The following PIEZO2 variants were observed in gnomAD, a reference collection of about 807,000 sequenced individuals.
PIEZO2 encodes piezo-type mechanosensitive ion channel component 2.
A neutral mutation model predicts 337.3 loss-of-function variants in PIEZO2; 172 were observed. The observed-to-expected ratio is 0.51, with a 90% CI of 0.45 to 0.58. The LOEUF is 0.58. PIEZO2 is among the 20% of genes least tolerant of loss of function. The pLI is 0.00. For synonymous variants in PIEZO2, 1,251 were observed against 1,228.5 expected (o/e 1.02, Z -0.38); for missense variants, 3,028 against 3,391.3 (o/e 0.89, Z 2.66).
chr18:11,100,658 C>G (rs1355717283), intron 1 of PIEZO2, among the ~76,000 whole-genome samples: 1 of 152,080 alleles, frequency 6.6e-6, no homozygotes, highest in Non-Finnish European at 1.5e-5. Context: ...TGCAGTGGCA[C>G]AGTTTTGGCT....
At position 10,980,144 on chromosome 18, in the gene PIEZO2, A is replaced by AT. The variant is rs144278584; in HGVS notation, c.161-485dup. On this transcript the variant is annotated intron_variant, in intron 2 of 55. Coordinates refer to ENST00000674853, the MANE Select transcript of PIEZO2 (RefSeq NM_001378183.1). This position sits in a 1 kb window ranked among gnomAD's most constrained non-coding sequence, Gnocchi z 4.8. Reference sequence around the variant, plus strand: ...GTTACTCATAACATAGATATGAATTATTTTTTTTAAATGTGTTAACCAACT... The same window carrying AT: ...GTTACTCATAACATAGATATGAATTATTTTTTTTTAAATGTGTTAACCAACT... 0.033 allele frequency among the ~76,000 whole-genome samples: 5,049 copies of AT among 152,116 alleles called. 147 individuals carry two copies. Among genetic ancestry groups the AT allele is most frequent in the African/African-American group, 0.072 (2,978 of 41,494 alleles).
At position 10,888,101 on chromosome 18, in the gene PIEZO2, T is replaced by A. The variant is rs1244241643; in HGVS notation, c.330-16686A>T. On this transcript the variant is annotated intron_variant, in intron 4 of 55. Coordinates refer to ENST00000674853, the MANE Select transcript of PIEZO2 (RefSeq NM_001378183.1). The surrounding 1 kb of genome is among the most constrained non-coding windows in gnomAD (Gnocchi z 4.1). ...TGTATTAACTGTCATGATGGCTGCC[T>A]AATGGTGGTCATTGATGCCCCTAAA... 6.6e-6 allele frequency among the ~76,000 whole-genome samples: 1 copy of A among 152,212 alleles called. No individual in the cohort carries two copies. Among genetic ancestry groups the A allele is most frequent in the African/African-American group, 2.4e-5 (1 of 41,450 alleles).
At position 10,794,749 on chromosome 18, in the gene PIEZO2, T is replaced by C. The variant is rs779387094; in HGVS notation, c.1758+23A>G. 1.4e-5 allele frequency: 20 copies of C among 1,447,164 alleles called. No individual in the cohort carries two copies. The highest frequency in any genetic ancestry group is 2.9e-5 in the African/African-American group (2 of 69,974). 89.6% of individuals were successfully genotyped at this position (1,447,164 alleles called of 1,614,324 possible). A position where few individuals can be genotyped will look rare whatever the true frequency, so the allele number is the denominator to read the frequency against. ...TTGTGGTTTTGTGTCATTGTTTTGT[T>C]TTATTGTATTCTATTCACTTACTTT... On this transcript the variant is annotated intron_variant, in intron 13 of 55. Transcript: ENST00000674853. The surrounding 1 kb of genome is among the most constrained non-coding windows in gnomAD (Gnocchi z 6.6).
Position 10,671,668 on chromosome 18 carries a change from T to C in PIEZO2, c.8457A>G (p.Arg2819=). Residue 2819 remains arginine (R), a synonymous_variant, in exon 56 of 56, where the codon CGA becomes CGG. Transcript: ENST00000674853. ...AAATATCTGTGCACAACTTCAAAAT[T>C]CGATCCACATTTGGAAGCTCTTCAA... is the stretch of plus-strand genomic sequence containing the variant. ...IMFEELPNVD[R]ILKLCTDIFL... is the part of the protein sequence containing the mutation. 6.2e-6 allele frequency: 10 copies of C among 1,614,018 alleles called. No individual in the cohort carries two copies. The highest frequency in any genetic ancestry group is 8.5e-6 in the Non-Finnish European group (10 of 1,179,968).
intron 2 of PIEZO2, among the ~76,000 whole-genome samples, chr18:11,051,980 G>A (rs989190861): frequency 1.3e-5 from 2 of 152,232 alleles, no homozygotes; most frequent in Non-Finnish European, 2.9e-5. Context: ...AGGTCTCACT[G>A]AGGCAGTTTC....
intron 29 of PIEZO2, among the ~76,000 whole-genome samples, chr18:10,749,436 C>T (rs953691133): frequency 6.6e-6 from 1 of 152,042 alleles, no homozygotes; most frequent in African/African-American, 2.4e-5. Flanking sequence ...GTAGTTCAGC[C>T]TGGGTAACAG....
At position 10,704,442 on chromosome 18, in the gene PIEZO2, G is replaced by A. The variant is rs900118486; in HGVS notation, c.6210C>T (p.Val2070=). The change falls in exon 42 of 56, where the codon GTC becomes GTT. Residue 2070 remains valine, a synonymous_variant. Transcript: ENST00000674853. ...ILIFLWAMLS[V]PRPSRRFWMM... ...TCCAGAACCGGCGGCTGGGCCTGGG[G>A]ACGGACAACATGGCCCAGAGGAAGA... The A allele has an allele frequency of 9.8e-6, 15 of 1,537,100 alleles. No homozygotes were observed. Among genetic ancestry groups the A allele is most frequent in the Non-Finnish European group, 1.2e-5 (14 of 1,146,914 alleles).
chr18:10,759,229 T>TGTGTG lies in PIEZO2; in HGVS notation c.3757+252_3757+253insCACAC, dbSNP rs2038018235. 2.0e-3 allele frequency among the ~76,000 whole-genome samples: 284 copies of TGTGTG among 141,690 alleles called. 1 individual carries two copies. Among genetic ancestry groups the TGTGTG allele is most frequent in the African/African-American group, 6.5e-3 (257 of 39,354 alleles). The allele number at this position is 141,690 out of a possible 152,430, so 93.0% of individuals were successfully genotyped here. On this transcript the variant is annotated intron_variant, in intron 26 of 55. Coordinates refer to ENST00000674853, the MANE Select transcript of PIEZO2 (RefSeq NM_001378183.1). The surrounding 1 kb of genome is among the most constrained non-coding windows in gnomAD (Gnocchi z 5.5). ...TGTGTGTGTGTGTGTGTGTGTGTGT[T>TGTGTG]TGTGTGTGTGTGTTGGGGGAAGTGA...
chr18:10,813,006 C>T lies in PIEZO2; in HGVS notation c.918-5732G>A, dbSNP rs1280105221. Among the ~76,000 whole-genome samples, 1 of 148,254 alleles carries T rather than the reference C, an allele frequency of 6.7e-6. No individual in the cohort carries two copies. Among genetic ancestry groups the T allele is most frequent in the Non-Finnish European group, 1.5e-5 (1 of 67,548 alleles). ...AAACTTTTTTTTTTTTTTCTTGAGA[C>T]GGAGTCTCACTCTGTCACCCGGGCT... is the stretch of plus-strand genomic sequence containing the variant. On this transcript the variant is annotated intron_variant, in intron 7 of 55. Transcript: ENST00000674853. The surrounding 1 kb of genome is among the most constrained non-coding windows in gnomAD (Gnocchi z 4.2).
chr18:10,887,462 C>T (rs1007232812), intron 4 of PIEZO2, among the ~76,000 whole-genome samples: 2 of 152,048 alleles, frequency 1.3e-5, no homozygotes, highest in African/African-American at 2.4e-5. Context: ...GACCCAAACA[C>T]CTCCCACCAG....
At position 11,126,775 on chromosome 18, in the gene PIEZO2, C is replaced by A. The variant is rs551163759; in HGVS notation, c.64+21750G>T. On this transcript the variant is annotated intron_variant, in intron 1 of 55. Transcript: ENST00000674853. This position sits in a 1 kb window ranked among gnomAD's most constrained non-coding sequence, Gnocchi z 4.6. Reference sequence around the variant, plus strand: ...ATATGCCAGGTACTGTTACACAGTACCTTAAGTACATTACTATTTTTTTTT... The same window carrying A: ...ATATGCCAGGTACTGTTACACAGTAACTTAAGTACATTACTATTTTTTTTT... Among the ~76,000 whole-genome samples, 4 of 124,502 alleles carry A rather than the reference C, an allele frequency of 3.2e-5. No homozygotes were observed. The highest frequency in any genetic ancestry group is 1.3e-4 in the African/African-American group (4 of 31,210). The allele number at this position is 124,502 out of a possible 152,430, so 81.7% of individuals were successfully genotyped here.
At chr18:11,022,424 A>C (rs2036344434) in intron 2 of PIEZO2, among the ~76,000 whole-genome samples, 1 of 152,222 alleles carries the variant, frequency 6.6e-6, no homozygotes, top group African/African-American at 2.4e-5. Flanking sequence ...GCAGACTGGG[A>C]GGCTTCAGAA....
At chr18:11,091,404 A>C (rs1236635833) in intron 1 of PIEZO2, among the ~76,000 whole-genome samples, 2 of 151,970 alleles carry the variant, frequency 1.3e-5, no homozygotes, top group South Asian at 4.1e-4. Flanking sequence ...AAAAAAGAAA[A>C]AAAGAAAAAG....
Position 10,675,213 on chromosome 18 carries a change from T to C in PIEZO2, c.8157A>G (p.Leu2719=), listed in dbSNP as rs746606142. Residue 2719 remains leucine (L), a synonymous_variant, in exon 54 of 56, where the codon TTA becomes TTG. Coordinates refer to ENST00000674853, the MANE Select transcript of PIEZO2 (RefSeq NM_001378183.1). Reference sequence around the variant, plus strand: ...ACAAATTTTTCTCATTCTTACCAGATAAAAGTTGCTTTATAGGTTTTGAGT... The same window carrying C: ...ACAAATTTTTCTCATTCTTACCAGACAAAAGTTGCTTTATAGGTTTTGAGT... ...DSNSKPIKQL[L]SENNFMDITI... is the part of the protein sequence containing the mutation. 25 of 1,535,206 alleles carry C rather than the reference T, an allele frequency of 1.6e-5. No individual in the cohort carries two copies. Among genetic ancestry groups the C allele is most frequent in the South Asian group, 3.6e-5 (3 of 82,524 alleles).
At position 10,727,525 on chromosome 18, in the gene PIEZO2, T is replaced by A. The variant is rs533658303; in HGVS notation, c.5029+3882A>T. 2.0e-5 allele frequency: 3 copies of A among 152,456 alleles called. No individual in the cohort carries two copies. Among genetic ancestry groups the A allele is most frequent in the African/African-American group, 7.2e-5 (3 of 41,518 alleles). The allele number at this position is 152,456 out of a possible 1,614,324, so 9.4% of individuals were successfully genotyped here. A position where few individuals can be genotyped will look rare whatever the true frequency, so the allele number is the denominator to read the frequency against. On this transcript the variant is annotated intron_variant, in intron 36 of 55. Transcript: ENST00000674853. This position sits in a 1 kb window ranked among gnomAD's most constrained non-coding sequence, Gnocchi z 6.3. Reference sequence around the variant, plus strand: ...ATGTATTTATTCCATATTTATATGATCTACTTCCTGTGGCTGGGAGCAGCA... The same window carrying A: ...ATGTATTTATTCCATATTTATATGAACTACTTCCTGTGGCTGGGAGCAGCA...
intron 5 of PIEZO2, among the ~76,000 whole-genome samples, chr18:10,858,355 A>T (rs2041783569): frequency 6.6e-6 from 1 of 151,368 alleles, no homozygotes; most frequent in Admixed American, 6.6e-5. Flanking sequence ...AAAGAAAAGA[A>T]AAGAAGAAAA....
chr18:10,726,134 G>A lies in PIEZO2; in HGVS notation c.5029+5273C>T, dbSNP rs1018809823. 6.6e-6 allele frequency among the ~76,000 whole-genome samples: 1 copy of A among 152,116 alleles called. No homozygotes were observed. Among genetic ancestry groups the A allele is most frequent in the Non-Finnish European group, 1.5e-5 (1 of 68,012 alleles). ...GCACGTGTGTGGGTGCGTGGGTGTAGGGTGGTGGGGGGATGGGTGGGAGAG... is the reference window on the plus strand; with the variant it reads ...GCACGTGTGTGGGTGCGTGGGTGTAAGGTGGTGGGGGGATGGGTGGGAGAG... On this transcript the variant is annotated intron_variant, in intron 36 of 55. Transcript: ENST00000674853. This position sits in a 1 kb window ranked among gnomAD's most constrained non-coding sequence, Gnocchi z 5.9.
At chr18:11,023,828 G>A (rs141964487) in intron 2 of PIEZO2, among the ~76,000 whole-genome samples, 4,569 of 152,334 alleles carry the variant, frequency 0.03, 85 homozygotes, top group Middle Eastern at 0.12. Context: ...GAATTCGAGC[G>A]CAGCGCCGGT....
intron 4 of PIEZO2, among the ~76,000 whole-genome samples, chr18:10,885,029 T>G (rs147295348): frequency 1.8e-4 from 28 of 152,182 alleles, no homozygotes; most frequent in African/African-American, 6.7e-4. Context: ...CCAGTGTGCT[T>G]TGTATAGGCC....
Sources: allele counts gnomAD v4.1 joint callset (sites outside exome capture counted in the v4.1 genomes callset), GRCh38; gene constraint gnomAD v4.1.1; non-coding constraint Gnocchi (gnomAD v3.1); transcripts MANE v1.5; gene names NCBI Gene and HGNC (gene_info 2026-07-23, HGNC 2026-07-21).